Variants in RASGRF2 observed in about 807,000 individuals in gnomAD.
The protein encoded by RASGRF2 is Ras protein specific guanine nucleotide releasing factor 2, also known as ras-specific guanine nucleotide-releasing factor 2.
RASGRF2 carries 76 observed loss-of-function variants against 151.0 expected under a neutral mutation model. That is an observed-to-expected ratio of 0.50 (90% CI 0.42 to 0.61). RASGRF2 has a LOEUF of 0.61. Ranked by LOEUF, RASGRF2 falls within the 20% of genes least tolerant of loss-of-function variation. The pLI, the probability that RASGRF2 is intolerant of heterozygous loss-of-function variation, is 0.00. For synonymous variants in RASGRF2, 504 were observed against 566.5 expected (o/e 0.89, Z 1.57); for missense variants, 1,148 against 1,564.6 (o/e 0.73, Z 4.49).
At chr5:81,187,241 C>T (rs1195080676) in intron 18 of RASGRF2, among the ~76,000 whole-genome samples, 2 of 152,232 alleles carry the variant, frequency 1.3e-5, no homozygotes, top group Non-Finnish European at 2.9e-5. Flanking sequence ...TAGCCTCTAG[C>T]CACATGCAGC....
chr5:81,144,135 T>G (rs1753949930), intron 17 of RASGRF2, among the ~76,000 whole-genome samples: 1 of 152,166 alleles, frequency 6.6e-6, no homozygotes, highest in Non-Finnish European at 1.5e-5. Flanking sequence ...TATGTAAAAT[T>G]TCATCAGCCT....
chr5:80,982,266 C>T (rs1748325738), intron 1 of RASGRF2, among the ~76,000 whole-genome samples: 1 of 152,138 alleles, frequency 6.6e-6, no homozygotes, highest in African/African-American at 2.4e-5. Flanking sequence ...CCTGAAAGCC[C>T]GTATCTATGG....
At chr5:81,038,223 AG>A (rs1310074060) in intron 1 of RASGRF2, among the ~76,000 whole-genome samples, 1 of 152,170 alleles carries the variant, frequency 6.6e-6, no homozygotes, top group Non-Finnish European at 1.5e-5. Context: ...GTATATGTGG[AG>A]GAGTGATATT....
chr5:81,138,550 T>C (rs1420143704), intron 17 of RASGRF2, among the ~76,000 whole-genome samples: 1 of 152,134 alleles, frequency 6.6e-6, no homozygotes, highest in Non-Finnish European at 1.5e-5. Context: ...TCTCCGGTGT[T>C]TACTGGGAGG....
At chr5:80,990,944 A>G (rs1247542475) in intron 1 of RASGRF2, among the ~76,000 whole-genome samples, 4 of 152,218 alleles carry the variant, frequency 2.6e-5, no homozygotes, top group African/African-American at 4.8e-5. Context: ...GAGTTTGTCA[A>G]TTAGACTAGA....
At chr5:80,988,324 TAC>T (rs1748542442) in intron 1 of RASGRF2, among the ~76,000 whole-genome samples, 1 of 152,128 alleles carries the variant, frequency 6.6e-6, no homozygotes, top group Non-Finnish European at 1.5e-5. Context: ...GTGCTGGGAT[TAC>T]AGTGATGAGC....
chr5:81,216,488 G>A (rs554198918), intron 24 of RASGRF2, among the ~76,000 whole-genome samples: 62 of 152,114 alleles, frequency 4.1e-4, no homozygotes, highest in African/African-American at 1.4e-3. Flanking sequence ...TCCTGTGATG[G>A]TATGAGTGAA....
At position 81,180,219 on chromosome 5, in the gene RASGRF2, C is replaced by T. The variant is rs199722920; in HGVS notation, c.2731C>T (p.Arg911Trp). ...AACATGTGATAAAGAGTTTATTATA[C>T]GGAGAACGGCTACCAATCGAGTTCT... ...ERTCDKEFII[R>W]RTATNRVLNV... Residue 911 changes from arginine to tryptophan, a missense_variant, in exon 18 of 27, where the codon CGG becomes TGG. Coordinates refer to ENST00000265080, the MANE Select transcript of RASGRF2 (RefSeq NM_006909.3). 20 of 1,612,412 alleles carry T rather than the reference C, an allele frequency of 1.2e-5. No homozygotes were observed. Among genetic ancestry groups the T allele is most frequent in the African/African-American group, 2.7e-5 (2 of 74,778 alleles).
chr5:80,983,041 A>G (rs1748361887), intron 1 of RASGRF2, among the ~76,000 whole-genome samples: 1 of 152,214 alleles, frequency 6.6e-6, no homozygotes. Flanking sequence ...ATGCTTCGGT[A>G]CCACTTTTTG....
chr5:81,020,627 G>A (rs936351244), intron 1 of RASGRF2, among the ~76,000 whole-genome samples: 6 of 152,206 alleles, frequency 3.9e-5, no homozygotes, highest in African/African-American at 1.4e-4. Flanking sequence ...AAAAGAAGGT[G>A]CAGAGGAGAG....
At chr5:81,047,498 T>A (rs144431491) in intron 2 of RASGRF2, among the ~76,000 whole-genome samples, 10 of 152,376 alleles carry the variant, frequency 6.6e-5, no homozygotes, top group African/African-American at 2.4e-4. Flanking sequence ...TTTCTTCAGC[T>A]GAACCTGCTC....
At chr5:81,114,400 C>A (rs1753093027) in intron 15 of RASGRF2, among the ~76,000 whole-genome samples, 1 of 152,182 alleles carries the variant, frequency 6.6e-6, no homozygotes. Context: ...ACAATGGCTT[C>A]TTTAGTTTAG....
At chr5:81,018,656 A>G (rs1331620338) in intron 1 of RASGRF2, among the ~76,000 whole-genome samples, 1 of 152,210 alleles carries the variant, frequency 6.6e-6, no homozygotes, top group Non-Finnish European at 1.5e-5. Flanking sequence ...TCTACCTCAC[A>G]AGCAGCTACA....
rs117019102 is a variant in RASGRF2 at position 81,148,598 on chromosome 5, C to T, written c.2686+21435C>T. On this transcript the variant is annotated intron_variant, in intron 17 of 26. Coordinates refer to ENST00000265080, the MANE Select transcript of RASGRF2 (RefSeq NM_006909.3). ...ACAGCAAGTAGAAGAAACACCTGAA[C>T]GCACCAACTAGATTTGATTTATTTC... 2.7e-3 allele frequency among the ~76,000 whole-genome samples: 401 copies of T among 150,516 alleles called. 11 individuals carry two copies. In the East Asian group the frequency reaches 0.066, roughly 25 times the overall value.
At chr5:80,969,815 C>CTT (rs10584906) in intron 1 of RASGRF2, among the ~76,000 whole-genome samples, 1,452 of 76,878 alleles carry the variant, frequency 0.019, 163 homozygotes, top group Admixed American at 0.05. Flanking sequence ...ACTTCTTCTT[C>CTT]TTTTTTTTTT....
rs1352792002 is a variant in RASGRF2 at position 81,123,628 on chromosome 5, A to T, written c.2471-14A>T. 4 of 1,604,480 alleles carry T rather than the reference A, an allele frequency of 2.5e-6. No homozygotes were observed. The highest frequency in any genetic ancestry group is 3.4e-6 in the Non-Finnish European group (4 of 1,176,164). Reference sequence around the variant, plus strand: ...CATGGCCTGGTTGTTAAAATTCATGATGTTTTCAAGCAGCAGTCCTAGAGT... The same window carrying T: ...CATGGCCTGGTTGTTAAAATTCATGTTGTTTTCAAGCAGCAGTCCTAGAGT... On this transcript the variant is annotated splice_polypyrimidine_tract_variant and intron_variant, in intron 15 of 26. Coordinates refer to ENST00000265080, the MANE Select transcript of RASGRF2 (RefSeq NM_006909.3).
chr5:81,178,970 C>T (rs1754849745), intron 17 of RASGRF2, among the ~76,000 whole-genome samples: 1 of 152,176 alleles, frequency 6.6e-6, no homozygotes, highest in Admixed American at 6.5e-5. Context: ...GATCTCCTGA[C>T]CTCATGATCC....
intron 12 of RASGRF2, among the ~76,000 whole-genome samples, chr5:81,101,278 A>G (rs1400774125): frequency 6.6e-6 from 1 of 152,226 alleles, no homozygotes; most frequent in Admixed American, 6.5e-5. Context: ...TTACATAACC[A>G]TAAATATTTA....
intron 1 of RASGRF2, among the ~76,000 whole-genome samples, chr5:80,982,588 A>ATTATTATTATTATTATTG (rs1748338870): frequency 7.1e-6 from 1 of 141,320 alleles, no homozygotes; most frequent in Non-Finnish European, 1.5e-5. Context: ...TTCTATTATT[A>ATTATTATTATTATTATTG]TTATTATTAT....
Sources: gnomAD v4.1 joint callset for allele counts (sites outside exome capture counted in the v4.1 genomes callset) on GRCh38, gnomAD v4.1.1 for gene constraint, MANE v1.5 for transcripts, NCBI Gene and HGNC (gene_info 2026-07-23, HGNC 2026-07-21) for gene names.